The following C1orf94 variants were observed in gnomAD, a reference collection of about 807,000 sequenced individuals.
The protein encoded by C1orf94 is uncharacterized protein C1orf94.
In C1orf94, 45 loss-of-function variants were observed where a neutral mutation model predicts 53.6. The observed-to-expected ratio is 0.84, with a 90% CI of 0.66 to 1.08. The LOEUF (loss-of-function observed/expected upper bound fraction) is 1.08. C1orf94 is among the 50% of genes least tolerant of loss of function. C1orf94 has a pLI of 0.00. For synonymous variants in C1orf94, 304 were observed against 296.1 expected (o/e 1.03, Z -0.27); for missense variants, 762 against 738.9 (o/e 1.03, Z -0.36).
At chr1:34,200,678 G>T in intron 2 of C1orf94, 94 bp from the exon 3 acceptor site, 3 of 1,526,118 alleles carry the variant, frequency 2.0e-6, no homozygotes, top group Non-Finnish European at 2.7e-6. Context: ...GGTGTGTGCT[G>T]CAGAGGATTC....
At chr1:34,214,034 T>A (rs952883677) in intron 6 of C1orf94, among the ~76,000 whole-genome samples, 19 of 152,202 alleles carry the variant, frequency 1.2e-4, no homozygotes, top group African/African-American at 4.1e-4. Context: ...GCAGGGGACC[T>A]ATAGATGAAT....
At chr1:34,212,429 C>T (rs1223525422) in intron 6 of C1orf94, 23 bp downstream of exon 6, 1 of 1,587,428 alleles carries the variant, frequency 6.3e-7, no homozygotes, top group Admixed American at 1.8e-5. Context: ...ACACTGGGAG[C>T]CTAAGGGTAT....
chr1:34,217,873 T>C (rs1327531039), intron 6 of C1orf94, among the ~76,000 whole-genome samples: 1 of 152,248 alleles, frequency 6.6e-6, no homozygotes, highest in Non-Finnish European at 1.5e-5. Flanking sequence ...CCATTTGCTC[T>C]ATTGTAATTT....
At chr1:34,216,045 CAAAAAAT>C (rs1008083230) in intron 6 of C1orf94, among the ~76,000 whole-genome samples, 14 of 151,798 alleles carry the variant, frequency 9.2e-5, no homozygotes, top group African/African-American at 3.4e-4. Flanking sequence ...AAACAAAAAA[CAAAAAAT>C]GACCAAGGTC....
In C1orf94 at chr1:34,195,905, G is replaced by A. The variant is rs1021226529; in HGVS notation, c.321-1320G>A. ...GGAGACTCATCATGCCCTCTGAGAG[G>A]CTGGCCAGAGCTGGAACCTGTGCTG... On this transcript the variant is annotated intron_variant, in intron 1 of 6. Transcript: ENST00000488417. Among the ~76,000 whole-genome samples the A allele has an allele frequency of 2.6e-5, 4 of 152,104 alleles. No individual in the cohort carries two copies. In the East Asian group the frequency reaches 7.7e-4, roughly 29 times the overall value.
chr1:34,175,633 T>C (rs1164923126), upstream of C1orf94, among the ~76,000 whole-genome samples: 1 of 152,172 alleles, frequency 6.6e-6, no homozygotes, highest in Admixed American at 6.5e-5. Flanking sequence ...CAAGGTTGCG[T>C]ATTGGGCACC....
chr1:34,194,482 G>T (rs1249333086), intron 1 of C1orf94, among the ~76,000 whole-genome samples: 1 of 152,114 alleles, frequency 6.6e-6, no homozygotes, highest in African/African-American at 2.4e-5. Flanking sequence ...GCCCTGTGGG[G>T]CTTCTAGAAG....
At position 34,208,037 on chromosome 1, in the gene C1orf94, G is replaced by T. The variant is rs916372054; in HGVS notation, c.1447-120G>T. 27 of 946,008 alleles carry T rather than the reference G, an allele frequency of 2.9e-5. No homozygotes were observed. In the African/African-American group the frequency reaches 4.2e-4, roughly 15 times the overall value. 58.6% of individuals were successfully genotyped at this position (946,008 alleles called of 1,614,324 possible). ...TTCCAGCTGGCCTCAGACAGCCCAT[G>T]GGTCTGGTCAGCAATGTGATGGGAC... On this transcript the variant is annotated intron_variant, in intron 4 of 6. Coordinates refer to ENST00000488417, the MANE Select transcript of C1orf94 (RefSeq NM_001134734.2).
chr1:34,205,219 C>T (rs1264730834), intron 4 of C1orf94, among the ~76,000 whole-genome samples: 1 of 152,186 alleles, frequency 6.6e-6, no homozygotes, highest in Non-Finnish European at 1.5e-5. Context: ...CAGAAGGACC[C>T]TGGCTGGTAA....
At chr1:34,181,150 T>A (rs892923601) in intron 1 of C1orf94, among the ~76,000 whole-genome samples, 1 of 152,222 alleles carries the variant, frequency 6.6e-6, no homozygotes, top group African/African-American at 2.4e-5. Context: ...GCCAAATCTA[T>A]GTCTTTTTTC....
chr1:34,183,164 T>C (rs980897083), intron 1 of C1orf94, among the ~76,000 whole-genome samples: 1 of 152,194 alleles, frequency 6.6e-6, no homozygotes, highest in Non-Finnish European at 1.5e-5. Context: ...TGGGGAGCAA[T>C]GGGTTTTGGG....
intron 2 of C1orf94, among the ~76,000 whole-genome samples, chr1:34,198,213 T>C (rs912167880): frequency 4.6e-5 from 7 of 152,208 alleles, no homozygotes; most frequent in African/African-American, 1.2e-4. Context: ...ATCAAACGGG[T>C]GTCCAGAGTA....
intron 5 of C1orf94, 81 bp from the exon 6 acceptor site, chr1:34,212,129 C>A: frequency 7.6e-7 from 1 of 1,315,492 alleles, no homozygotes; most frequent in Non-Finnish European, 1.0e-6. Flanking sequence ...AGCACAGGGG[C>A]TGAGACTGGG....
chr1:34,194,561 G>A (rs954091614), intron 1 of C1orf94, among the ~76,000 whole-genome samples: 1 of 152,184 alleles, frequency 6.6e-6, no homozygotes, highest in Non-Finnish European at 1.5e-5. Flanking sequence ...CAAATAGAAT[G>A]ACTAGTGTGT....
In C1orf94 at chr1:34,189,604, C is replaced by T. The variant is rs142960717; in HGVS notation, c.321-7621C>T. On this transcript the variant is annotated intron_variant, in intron 1 of 6. Coordinates refer to ENST00000488417, the MANE Select transcript of C1orf94 (RefSeq NM_001134734.2). ...GACAGGTAGACTCAGAAGTGCCCAC[C>T]GGCCTTGGCCTGAGCCAGGGTGGGC... Among the ~76,000 whole-genome samples, 228 of 150,502 alleles carry T rather than the reference C, an allele frequency of 1.5e-3. 2 individuals carry two copies. Among genetic ancestry groups the T allele is most frequent in the African/African-American group, 5.1e-3 (206 of 40,180 alleles).
intron 1 of C1orf94, among the ~76,000 whole-genome samples, chr1:34,184,566 G>A (rs1357521927): frequency 6.6e-6 from 1 of 152,204 alleles, no homozygotes; most frequent in South Asian, 2.1e-4. Flanking sequence ...AACAGAAGTG[G>A]TTTATTGATT....
chr1:34,169,785 T>G (rs1642115719), intron 1 of C1orf94, among the ~76,000 whole-genome samples: 1 of 152,190 alleles, frequency 6.6e-6, no homozygotes, highest in Non-Finnish European at 1.5e-5. Flanking sequence ...ATGAGCATGA[T>G]CAGGCCAAAG....
rs571802388 is a variant in C1orf94, at chr1:34,216,154, A to G, written c.1722-2532A>G. 3.3e-5 allele frequency among the ~76,000 whole-genome samples: 5 copies of G among 152,290 alleles called. No individual in the cohort carries two copies. In the South Asian group the frequency reaches 1.0e-3, roughly 32 times the overall value. On this transcript the variant is annotated intron_variant, in intron 6 of 6. Transcript: ENST00000488417. The stretch of plus-strand genomic sequence containing the variant: ...ATTAGACAGATGGGTGGAGCTATGG[A>G]TAGGTAGGTGCATATAGGAGTCTGG...
At chr1:34,196,183 G>A (rs1410085380) in intron 1 of C1orf94, among the ~76,000 whole-genome samples, 3 of 152,170 alleles carry the variant, frequency 2.0e-5, no homozygotes, top group African/African-American at 7.2e-5. Flanking sequence ...CTGGTGAGGT[G>A]GGCGGGGCCA....
Sources: allele counts gnomAD v4.1 joint callset (sites outside exome capture counted in the v4.1 genomes callset), GRCh38; gene constraint gnomAD v4.1.1; transcripts MANE v1.5; gene names NCBI Gene and HGNC (gene_info 2026-07-23, HGNC 2026-07-21).